Variants in UBE2V2 observed in about 807,000 individuals in gnomAD.
UBE2V2 encodes ubiquitin conjugating enzyme E2 V2, also known as ubiquitin-conjugating enzyme E2 variant 2.
Under a neutral mutation model 17.2 loss-of-function variants are expected in UBE2V2, and 9 were observed. The ratio of observed to expected loss-of-function variants is 0.52; its 90% confidence interval spans 0.32 to 0.91. The LOEUF (loss-of-function observed/expected upper bound fraction) is 0.91. Ranked by LOEUF, UBE2V2 falls within the 40% of genes least tolerant of loss-of-function variation. The probability of loss-of-function intolerance (pLI) is 0.04; values close to 1 mark genes in which losing one functional copy is unlikely to be tolerated. For missense variants in UBE2V2, 133 were observed against 182.6 expected, an observed-to-expected ratio of 0.73 and a Z score of 1.56; for synonymous variants, 61 against 57.5, an observed-to-expected ratio of 1.06 and a Z score of -0.28.
chr8:48,052,462 A>C (rs888051468), intron 3 of UBE2V2, among the ~76,000 whole-genome samples: 3 of 152,140 alleles, frequency 2.0e-5, no homozygotes, highest in African/African-American at 7.2e-5. Context: ...CCAGTAGTTG[A>C]TATTTTGCCT....
At chr8:48,039,731 T>C (rs1488733742) in intron 1 of UBE2V2, among the ~76,000 whole-genome samples, 2 of 151,668 alleles carry the variant, frequency 1.3e-5, no homozygotes, top group Non-Finnish European at 2.9e-5. Context: ...CTTTTCCTAC[T>C]TTTTTTTTCC....
chr8:48,049,133 G>T (rs557462194), intron 2 of UBE2V2, among the ~76,000 whole-genome samples: 1 of 152,112 alleles, frequency 6.6e-6, no homozygotes, highest in Non-Finnish European at 1.5e-5. Flanking sequence ...TGAAAATGAT[G>T]TGTAAACATA....
upstream of UBE2V2, among the ~76,000 whole-genome samples, chr8:48,004,517 T>G (rs1015701606): frequency 6.6e-6 from 1 of 151,772 alleles, no homozygotes; most frequent in Admixed American, 6.6e-5. Flanking sequence ...CTTCTGTTTT[T>G]TTTTTTTGTT....
At position 48,063,200 on chromosome 8, in the gene UBE2V2, A is replaced by G. The variant is rs1017937121; in HGVS notation, c.*2372A>G. ...TGTCAGAGTCAGCCCTATAATGTTC[A>G]TTTCCCCTCTTGTTTGTGGGATTAT... On this transcript the variant is annotated 3_prime_UTR_variant, in exon 4 of 4. Transcript: ENST00000523111. The G allele has an allele frequency of 1.3e-5, 2 of 152,076 alleles. No individual in the cohort carries two copies. Among genetic ancestry groups the G allele is most frequent in the Admixed American group, 6.6e-5 (1 of 15,258 alleles). 9.4% of individuals were successfully genotyped at this position (152,076 alleles called of 1,614,324 possible).
rs762169378 is a variant in UBE2V2, at chr8:48,060,857, TC to T, written c.*30del. On this transcript the variant is annotated 3_prime_UTR_variant, in exon 4 of 4. Transcript: ENST00000523111. ...TAGTGGATCTCAAACTTGTCTTAAA[TC>T]AACAACCTTCTACTCATGTTAATGT... 2.0e-6 allele frequency: 3 copies of T among 1,478,604 alleles called. No homozygotes were observed. The highest frequency in any genetic ancestry group is 2.7e-6 in the Non-Finnish European group (3 of 1,112,860). 91.6% of individuals were successfully genotyped at this position (1,478,604 alleles called of 1,614,324 possible).
intron 2 of UBE2V2, chr8:48,049,469 C>G: frequency 5.7e-6 from 1 of 176,650 alleles, no homozygotes; most frequent in Non-Finnish European, 1.2e-5. Flanking sequence ...TCTCAAGTAG[C>G]CCCTCCCTCT....
intron 3 of UBE2V2, among the ~76,000 whole-genome samples, chr8:48,057,330 C>T (rs1258106085): frequency 6.6e-6 from 1 of 152,016 alleles, no homozygotes; most frequent in Non-Finnish European, 1.5e-5. Flanking sequence ...GAGATGGAGT[C>T]TAGCTCTGTT....
At chr8:48,057,980 C>T (rs1024081573) in intron 3 of UBE2V2, among the ~76,000 whole-genome samples, 20 of 152,068 alleles carry the variant, frequency 1.3e-4, no homozygotes, top group African/African-American at 2.9e-4. Context: ...CCTTTTATTT[C>T]GCTTCTTTGT....
chr8:48,020,905 T>C (rs1201176283), intron 1 of UBE2V2, among the ~76,000 whole-genome samples: 1 of 140,002 alleles, frequency 7.1e-6, no homozygotes, highest in African/African-American at 2.5e-5. Context: ...GCCCAGCTAA[T>C]TTTTTTTTTT....
At chr8:48,013,748 T>C (rs1055407725) in intron 1 of UBE2V2, among the ~76,000 whole-genome samples, 4 of 152,188 alleles carry the variant, frequency 2.6e-5, no homozygotes, top group African/African-American at 9.7e-5. Context: ...TGTTTTCTGC[T>C]ATGTAGGCAG....
At chr8:48,051,560 T>G (rs2091538635) in intron 3 of UBE2V2, among the ~76,000 whole-genome samples, 1 of 152,180 alleles carries the variant, frequency 6.6e-6, no homozygotes, top group Admixed American at 6.5e-5. Flanking sequence ...CCACTAATTT[T>G]ATTCTAAAAC....
intron 1 of UBE2V2, among the ~76,000 whole-genome samples, chr8:48,028,852 T>C (rs1156617274): frequency 6.6e-6 from 1 of 152,196 alleles, no homozygotes; most frequent in Non-Finnish European, 1.5e-5. Context: ...TCTTTATGTA[T>C]TCTGGATACA....
intron 1 of UBE2V2, among the ~76,000 whole-genome samples, chr8:48,009,810 A>G (rs1266564333): frequency 6.6e-6 from 1 of 152,164 alleles, no homozygotes; most frequent in Non-Finnish European, 1.5e-5. Flanking sequence ...TAAGATCTTT[A>G]GCAGTTCTAG....
chr8:48,039,712 C>A (rs2091448749), intron 1 of UBE2V2, among the ~76,000 whole-genome samples: 1 of 152,052 alleles, frequency 6.6e-6, no homozygotes, highest in Admixed American at 6.6e-5. Flanking sequence ...AGTGTTCCAA[C>A]ACCATTAACT....
At chr8:48,011,578 G>GGTATA (rs1297197086) in intron 1 of UBE2V2, among the ~76,000 whole-genome samples, 2 of 152,198 alleles carry the variant, frequency 1.3e-5, no homozygotes, top group Non-Finnish European at 2.9e-5. Flanking sequence ...CTTTAGTTCA[G>GGTATA]TGTGCATCAT....
upstream of UBE2V2, among the ~76,000 whole-genome samples, chr8:48,005,195 T>C: frequency 6.6e-6 from 1 of 151,274 alleles, no homozygotes; most frequent in Non-Finnish European, 1.5e-5. Context: ...CAGGCCCCAG[T>C]GTGTGATGTT....
chr8:48,008,204 G>C (rs1211518000), upstream of UBE2V2, among the ~76,000 whole-genome samples: 27 of 152,322 alleles, frequency 1.8e-4, no homozygotes, highest in Non-Finnish European at 5.9e-5. Flanking sequence ...TTACAGACGT[G>C]AGCCACCGCG....
chr8:48,025,233 G>T (rs1228472088), intron 1 of UBE2V2, among the ~76,000 whole-genome samples: 9 of 151,464 alleles, frequency 5.9e-5, no homozygotes, highest in African/African-American at 1.9e-4. Context: ...CACCATGCCT[G>T]GCCAGTGATT....
the UBE2V2 span, among the ~76,000 whole-genome samples, chr8:48,003,397 A>G: frequency 1.3e-5 from 2 of 152,240 alleles, no homozygotes; most frequent in East Asian, 3.9e-4. Flanking sequence ...TAGACCAAAC[A>G]CTTTAAGTGG....
Sources: gnomAD v4.1 joint callset for allele counts (sites outside exome capture counted in the v4.1 genomes callset) on GRCh38, gnomAD v4.1.1 for gene constraint, MANE v1.5 for transcripts, NCBI Gene and HGNC (gene_info 2026-07-23, HGNC 2026-07-21) for gene names.